Variants in DNHD1 observed in about 807,000 individuals in gnomAD.
DNHD1 encodes dynein heavy chain domain-containing protein 1.
In DNHD1, 383 loss-of-function variants were observed where a neutral mutation model predicts 458.1. That is an observed-to-expected ratio of 0.84 (90% confidence interval 0.77 to 0.91). The LOEUF is 0.91. DNHD1 is among the 40% of genes least tolerant of loss of function. DNHD1 has a pLI of 0.00. For missense variants in DNHD1, 5,336 were observed against 5,866.1 expected, an observed-to-expected ratio of 0.91 and a Z score of 2.95; for synonymous variants, 2,203 against 2,376.9, an observed-to-expected ratio of 0.93 and a Z score of 2.13.
In DNHD1 at chr11:6,535,702, G is replaced by A. The variant is rs116944590; in HGVS notation, c.2998+1529G>A. Among the ~76,000 whole-genome samples, 5 of 152,168 alleles carry A rather than the reference G, an allele frequency of 3.3e-5. No homozygotes were observed. In the East Asian group the frequency reaches 9.6e-4, roughly 29 times the overall value. On this transcript the variant is annotated intron_variant, in intron 14 of 42. Coordinates refer to ENST00000254579, the MANE Select transcript of DNHD1 (RefSeq NM_144666.3). Reference sequence around the variant, plus strand: ...AAATAGATAATGAGAGAGAAATGAGGACTCATGCTTACAGTAAAATGCCAG... The same window carrying A: ...AAATAGATAATGAGAGAGAAATGAGAACTCATGCTTACAGTAAAATGCCAG...
chr11:6,555,817 T>C (rs1490659926), intron 24 of DNHD1, among the ~76,000 whole-genome samples: 3 of 152,120 alleles, frequency 2.0e-5, no homozygotes, highest in African/African-American at 7.2e-5. Context: ...TTGATTGGCT[T>C]TAAAGGAGCA....
chr11:6,519,508 A>T (rs1464624943), intron 7 of DNHD1, 92 bp from the exon 8 acceptor site: 4 of 1,448,258 alleles, frequency 2.8e-6, no homozygotes, highest in East Asian at 2.3e-5. Flanking sequence ...TCTAGGTCCC[A>T]GACTCCAAGA....
At chr11:6,535,914 A>AG (rs1448331738) in intron 14 of DNHD1, among the ~76,000 whole-genome samples, 2 of 152,180 alleles carry the variant, frequency 1.3e-5, no homozygotes, top group African/African-American at 2.4e-5. Flanking sequence ...GTTGTAAAAA[A>AG]AAAGAAAGAA....
chr11:6,513,989 A>G (rs1398569415), intron 7 of DNHD1, among the ~76,000 whole-genome samples: 1 of 151,796 alleles, frequency 6.6e-6, no homozygotes, highest in Non-Finnish European at 1.5e-5. Context: ...GACTACAGGC[A>G]CCTGCCACCA....
intron 16 of DNHD1, 108 bp from the exon 17 acceptor site, chr11:6,539,111 A>C (rs770041780): frequency 1.2e-5 from 9 of 760,748 alleles, no homozygotes; most frequent in Admixed American, 1.1e-4. Context: ...GAGATCTGCT[A>C]TCTGGGGTCT....
intron 14 of DNHD1, among the ~76,000 whole-genome samples, chr11:6,537,051 G>A (rs1002774144): frequency 2.0e-5 from 3 of 152,220 alleles, no homozygotes; most frequent in African/African-American, 4.8e-5. Flanking sequence ...GCATTTGGGT[G>A]TGACTCTATC....
rs1182063613 is a variant in DNHD1, at chr11:6,548,111, C to T, written c.6905+71C>T. Reference sequence around the variant, plus strand: ...ACTGGCCCATGGAAGTAAAAACCCACATGACATCACTGTTAGGGTATGGTG... The same window carrying T: ...ACTGGCCCATGGAAGTAAAAACCCATATGACATCACTGTTAGGGTATGGTG... On this transcript the variant is annotated intron_variant, in intron 22 of 42. Coordinates refer to ENST00000254579, the MANE Select transcript of DNHD1 (RefSeq NM_144666.3). The surrounding 1 kb of genome is among the most constrained non-coding windows in gnomAD (Gnocchi z 4.4). 6.5e-6 allele frequency: 10 copies of T among 1,546,006 alleles called. No individual in the cohort carries two copies. Among genetic ancestry groups the T allele is most frequent in the Non-Finnish European group, 8.8e-6 (10 of 1,141,966 alleles).
intron 19 of DNHD1, 106 bp downstream of exon 19, chr11:6,544,352 A>G: frequency 7.6e-7 from 1 of 1,315,284 alleles, no homozygotes. Context: ...TATGAAGAAC[A>G]CAGTGAGGAC....
At chr11:6,512,306 T>C (rs925325349) in intron 7 of DNHD1, among the ~76,000 whole-genome samples, 128 of 142,364 alleles carry the variant, frequency 9.0e-4, no homozygotes, top group East Asian at 3.7e-3. Context: ...CTGCAAGCTC[T>C]GCCTTCCGGG....
intron 18 of DNHD1, 148 bp downstream of exon 18, chr11:6,540,231 G>C: frequency 2.9e-6 from 2 of 689,396 alleles, no homozygotes; most frequent in Non-Finnish European, 2.4e-6. Flanking sequence ...TTCTGAGACA[G>C]TGTCTTCCAT....
intron 10 of DNHD1, among the ~76,000 whole-genome samples, chr11:6,522,102 C>T (rs1852615886): frequency 6.6e-6 from 1 of 152,054 alleles, no homozygotes; most frequent in Non-Finnish European, 1.5e-5. Flanking sequence ...TGATATTGAG[C>T]TTTTGTTCAT....
intron 7 of DNHD1, among the ~76,000 whole-genome samples, chr11:6,512,247 G>C (rs1180092414): frequency 9.3e-5 from 10 of 107,820 alleles, no homozygotes; most frequent in Admixed American, 3.7e-4. Flanking sequence ...TTGAGACGGA[G>C]TCTCGCTCTG....
chr11:6,553,491 C>T (rs565959150), intron 24 of DNHD1, among the ~76,000 whole-genome samples: 14 of 152,158 alleles, frequency 9.2e-5, no homozygotes, highest in Middle Eastern at 3.4e-3. Context: ...ACCACATCGA[C>T]GCAATTAAGA....
rs941459942 is a variant in DNHD1 at position 6,513,787 on chromosome 11, C to T, written c.1392+2358C>T. On this transcript the variant is annotated intron_variant, in intron 7 of 42. Transcript: ENST00000254579. ...ATGTTTTATACTGCCAAACAGTTTT[C>T]CAGAGTGGTTGTACCAGTTTACGTT... Among the ~76,000 whole-genome samples the T allele has an allele frequency of 7.9e-5, 12 of 151,794 alleles. 1 individual carries two copies. The highest frequency in any genetic ancestry group is 4.4e-5 in the Non-Finnish European group (3 of 67,994).
At chr11:6,502,602 A>G in intron 3 of DNHD1, 151 bp from the exon 4 acceptor site, 1 of 581,080 alleles carries the variant, frequency 1.7e-6, no homozygotes, top group Non-Finnish European at 2.9e-6. Context: ...ATCTTTGAGT[A>G]TAGATGGTAG....
rs1853851637 is a variant in DNHD1, at chr11:6,571,521, C to T, written c.13911+98C>T. On this transcript the variant is annotated intron_variant, in intron 42 of 42. Coordinates refer to ENST00000254579, the MANE Select transcript of DNHD1 (RefSeq NM_144666.3). The surrounding 1 kb of genome is among the most constrained non-coding windows in gnomAD (Gnocchi z 5.0). ...TTCTTGGTGATCTTGCCCCCGGTAA[C>T]CCTGCTAGCTTCTCCGATCTCGCTT... 1.4e-6 allele frequency: 2 copies of T among 1,461,372 alleles called. No individual in the cohort carries two copies. Among genetic ancestry groups the T allele is most frequent in the Non-Finnish European group, 1.8e-6 (2 of 1,096,508 alleles). The allele number at this position is 1,461,372 out of a possible 1,614,324, so 90.5% of individuals were successfully genotyped here.
At chr11:6,552,259 C>G (rs1179439253) in intron 24 of DNHD1, among the ~76,000 whole-genome samples, 1 of 134,292 alleles carries the variant, frequency 7.4e-6, no homozygotes, top group Non-Finnish European at 1.6e-5. Context: ...CATGGTGGCT[C>G]ACGCCTGTAA....
At chr11:6,520,994 C>A (rs1852594334) in intron 10 of DNHD1, 8 of 464,874 alleles carry the variant, frequency 1.7e-5, no homozygotes, top group East Asian at 1.5e-4. Flanking sequence ...CTGAAAGGAA[C>A]CTGTGTCTTT....
intron 14 of DNHD1, among the ~76,000 whole-genome samples, chr11:6,535,274 C>G (rs931633282): frequency 1.3e-5 from 2 of 152,182 alleles, no homozygotes; most frequent in African/African-American, 4.8e-5. Flanking sequence ...CACATGTATA[C>G]GCATGTAACT....
Sources: allele counts gnomAD v4.1 joint callset (sites outside exome capture counted in the v4.1 genomes callset), GRCh38; gene constraint gnomAD v4.1.1; non-coding constraint Gnocchi (gnomAD v3.1); transcripts MANE v1.5; gene names NCBI Gene and HGNC (gene_info 2026-07-23, HGNC 2026-07-21).